Variants in PLCH2 observed in about 807,000 individuals in gnomAD.
PLCH2 encodes the protein phospholipase C eta 2, also known as 1-phosphatidylinositol 4,5-bisphosphate phosphodiesterase eta-2.
In PLCH2, 98 loss-of-function variants were observed where a neutral mutation model predicts 134.7. The observed-to-expected ratio is 0.73, with a 90% CI of 0.62 to 0.86. PLCH2 has a LOEUF of 0.86. Ranked by LOEUF, PLCH2 falls within the 40% of genes least tolerant of loss-of-function variation. The pLI is 0.00. For synonymous variants in PLCH2, 974 were observed against 827.5 expected (o/e 1.18, Z -3.04); for missense variants, 1,994 against 1,986.6 (o/e 1.00, Z -0.07).
In PLCH2 at chr1:2,504,481, T is replaced by A; in HGVS notation, c.3519T>A (p.Ala1173=). ...TGGGCCGCAGCCGTGAGAACCTCGC[T>A]GGAGCCCACATGGGACGCCTGCCCC... ...LGLGRSRENL[A]GAHMGRLPPR... is the part of the protein sequence containing the mutation. The change falls in exon 22 of 22, where the codon GCT becomes GCA. Residue 1173 remains alanine, a synonymous_variant. Coordinates refer to ENST00000378486, the MANE Select transcript of PLCH2 (RefSeq NM_014638.4). 6.2e-7 allele frequency: 1 copy of A among 1,612,204 alleles called. No homozygotes were observed. The highest frequency in any genetic ancestry group is 8.5e-7 in the Non-Finnish European group (1 of 1,179,702).
In PLCH2 at chr1:2,504,553, G is replaced by A; in HGVS notation, c.3591G>A (p.Val1197=). ...ASAARPDLPP[V]TKSKSNPNLR... The stretch of plus-strand genomic sequence containing the variant: ...CTGCCCGCCCAGACCTGCCACCTGT[G>A]ACCAAGAGCAAATCCAACCCCAACC... The change falls in exon 22 of 22, where the codon GTG becomes GTA. Residue 1197 remains valine (V), a synonymous_variant. Coordinates refer to ENST00000378486, the MANE Select transcript of PLCH2 (RefSeq NM_014638.4). 1.2e-6 allele frequency: 2 copies of A among 1,612,682 alleles called. No homozygotes were observed. Among genetic ancestry groups the A allele is most frequent in the Non-Finnish European group, 1.7e-6 (2 of 1,179,782 alleles).
At chr1:2,457,216 C>T (rs1243542360) in intron 2 of PLCH2, among the ~76,000 whole-genome samples, 1 of 152,160 alleles carries the variant, frequency 6.6e-6, no homozygotes, top group Non-Finnish European at 1.5e-5. Context: ...CAGCTCCGTC[C>T]ATCAGCAAGG....
chr1:2,481,732 G>T (rs1641980809), intron 4 of PLCH2, among the ~76,000 whole-genome samples: 1 of 152,236 alleles, frequency 6.6e-6, no homozygotes, highest in South Asian at 2.1e-4. Flanking sequence ...GCCCTATGTA[G>T]TGGAGGCCCA....
At chr1:2,489,413 C>T (rs770561134) in intron 9 of PLCH2, 35 bp downstream of exon 9, 1 of 1,606,284 alleles carries the variant, frequency 6.2e-7, no homozygotes, top group Non-Finnish European at 8.5e-7. Context: ...GACCAGCTCA[C>T]ACAGAGTCTC....
intron 19 of PLCH2, 70 bp downstream of exon 19, chr1:2,499,300 CCT>C: frequency 1.9e-6 from 3 of 1,555,858 alleles, no homozygotes; most frequent in Non-Finnish European, 2.6e-6. Flanking sequence ...TACTCTTTCC[CCT>C]GTGAGTCAGT....
At chr1:2,502,815 C>A in intron 21 of PLCH2, 1 of 717,150 alleles carries the variant, frequency 1.4e-6, no homozygotes, top group Non-Finnish European at 2.6e-6. Flanking sequence ...CCTGAGGGTG[C>A]CTGCAGGCAA....
At chr1:2,442,435 C>A (rs940588462) in intron 2 of PLCH2, among the ~76,000 whole-genome samples, 1 of 152,210 alleles carries the variant, frequency 6.6e-6, no homozygotes, top group African/African-American at 2.4e-5. Flanking sequence ...GCACCCCTAC[C>A]CCACCCCTGG....
At chr1:2,423,628 G>A (rs922976246), upstream of PLCH2, among the ~76,000 whole-genome samples, 3 of 152,154 alleles carry the variant, frequency 2.0e-5, no homozygotes, top group Non-Finnish European at 4.4e-5. Context: ...GGGTAAGGGG[G>A]ATGAAATCAG....
chr1:2,473,611 G>A (rs777513415), upstream of PLCH2, among the ~76,000 whole-genome samples: 3 of 152,158 alleles, frequency 2.0e-5, no homozygotes, highest in Admixed American at 6.5e-5. Flanking sequence ...TGTCCTGCCC[G>A]TCCCTCCCTG....
chr1:2,499,820 A>G, intron 20 of PLCH2, 100 bp downstream of exon 20: 1 of 914,966 alleles, frequency 1.1e-6, no homozygotes, highest in South Asian at 1.4e-5. Context: ...TCCTGAACTC[A>G]GGCAGTGAGG....
At chr1:2,469,588 G>A (rs1294067686) in intron 1 of PLCH2, among the ~76,000 whole-genome samples, 3 of 152,092 alleles carry the variant, frequency 2.0e-5, no homozygotes, top group Non-Finnish European at 4.4e-5. Context: ...TGTGTGTGGG[G>A]TGCCTGGGGC....
At chr1:2,435,454 T>TGGCTGGAGGCTGGA (rs58056215) in intron 2 of PLCH2, among the ~76,000 whole-genome samples, 6 of 150,738 alleles carry the variant, frequency 4.0e-5, no homozygotes, top group South Asian at 4.2e-4. Flanking sequence ...AGGTTCCAAA[T>TGGCTGGAGGCTGGA]GGCTGGAGGC....
chr1:2,492,677 G>C (rs1394452979), intron 11 of PLCH2: 1 of 152,438 alleles, frequency 6.6e-6, no homozygotes, highest in Non-Finnish European at 1.5e-5. Flanking sequence ...GGCCAGGCCG[G>C]GACGCGTTCA....
intron 11 of PLCH2, chr1:2,493,531 G>GT (rs1402313269): frequency 6.6e-6 from 1 of 152,294 alleles, no homozygotes; most frequent in African/African-American, 2.4e-5. Context: ...GCTCCAGCCA[G>GT]TGCAGCCTGG....
intron 10 of PLCH2, 56 bp from the exon 11 acceptor site, chr1:2,491,135 GC>G: frequency 6.5e-7 from 1 of 1,537,520 alleles, no homozygotes. Flanking sequence ...GGTTGTCATT[GC>G]CACTACTCGC....
chr1:2,478,958 C>G lies in PLCH2; in HGVS notation c.271+336C>G, dbSNP rs573992888. The stretch of plus-strand genomic sequence containing the variant: ...TCCCCATAAACAGAAACGACCCCCA[C>G]AGAGGTATGCTGATGGATGGGTATG... On this transcript the variant is annotated intron_variant, in intron 2 of 21. Transcript: ENST00000378486. 43 of 337,288 alleles carry G rather than the reference C, an allele frequency of 1.3e-4. No individual in the cohort carries two copies. The South Asian group carries it at 2.4e-3, about 19-fold the overall frequency. The allele number at this position is 337,288 out of a possible 1,614,324, so 20.9% of individuals were successfully genotyped here.
At position 2,504,337 on chromosome 1, in the gene PLCH2, G is replaced by A. The variant is rs149300848; in HGVS notation, c.3375G>A (p.Thr1125=). 1.3e-3 allele frequency: 2,098 copies of A among 1,610,704 alleles called. 32 individuals are homozygous for A. In the African/African-American group the frequency reaches 0.024, roughly 19 times the overall value. The change falls in exon 22 of 22, where the codon ACG becomes ACA. Residue 1125 remains threonine, a synonymous_variant. Transcript: ENST00000378486. ...CTCCTGCCGTGTACTCCGATGCCAC[G>A]GGCAGTGACCCGCTGTGGCAGCGGC... ...FPAPAVYSDA[T]GSDPLWQRLE... is the part of the protein sequence containing the mutation.
At chr1:2,447,489 G>C (rs1041304241) in intron 2 of PLCH2, among the ~76,000 whole-genome samples, 1 of 152,214 alleles carries the variant, frequency 6.6e-6, no homozygotes, top group African/African-American at 2.4e-5. Context: ...GACATGCATA[G>C]TGGGTGGAGA....
At chr1:2,437,945 C>T (rs1639510524) in intron 2 of PLCH2, among the ~76,000 whole-genome samples, 1 of 152,260 alleles carries the variant, frequency 6.6e-6, no homozygotes, top group South Asian at 2.1e-4. Flanking sequence ...CGAAGGCCTT[C>T]CACGATCTGG....
Sources: gnomAD v4.1 joint callset for allele counts (sites outside exome capture counted in the v4.1 genomes callset) on GRCh38, gnomAD v4.1.1 for gene constraint, MANE v1.5 for transcripts, NCBI Gene and HGNC (gene_info 2026-07-23, HGNC 2026-07-21) for gene names.